Variants in TAFA1 observed in about 807,000 individuals in gnomAD.
TAFA1 encodes the protein TAFA chemokine like family member 1, also known as chemokine-like protein TAFA-1.
In TAFA1, 4 loss-of-function variants were observed where a neutral mutation model predicts 18.5. The ratio of observed to expected loss-of-function variants is 0.22; its 90% CI spans 0.11 to 0.49. The LOEUF (loss-of-function observed/expected upper bound fraction) is 0.49, where lower values mean the gene tolerates loss of function less well. TAFA1 is among the 20% of genes least tolerant of loss of function. The probability of loss-of-function intolerance (pLI) is 0.98; values close to 1 mark genes in which losing one functional copy is unlikely to be tolerated. For synonymous variants in TAFA1, 56 were observed against 55.2 expected (o/e 1.01, Z -0.06); for missense variants, 147 against 169.0 (o/e 0.87, Z 0.72).
chr3:68,133,429 T>C (rs756669407), intron 2 of TAFA1, among the ~76,000 whole-genome samples: 18 of 152,162 alleles, frequency 1.2e-4, no homozygotes, highest in Non-Finnish European at 2.5e-4. Context: ...TTGATGAGGA[T>C]AGCATTGAAT....
Position 68,531,636 on chromosome 3 carries a change from C to T in TAFA1, c.260-7120C>T, listed in dbSNP as rs558392762. On this transcript the variant is annotated intron_variant, in intron 3 of 4. Coordinates refer to ENST00000478136, the MANE Select transcript of TAFA1 (RefSeq NM_213609.4). ...CTCCATCATTTTGCTTCTTAGAGCACGTGCTTGAACCTACTCATCCAACTC... is the reference window on the plus strand; with the variant it reads ...CTCCATCATTTTGCTTCTTAGAGCATGTGCTTGAACCTACTCATCCAACTC... 6.6e-5 allele frequency among the ~76,000 whole-genome samples: 10 copies of T among 152,242 alleles called. No individual in the cohort carries two copies. In the South Asian group the frequency reaches 8.3e-4, roughly 13 times the overall value.
intron 2 of TAFA1, among the ~76,000 whole-genome samples, chr3:68,251,768 T>G (rs1013873048): frequency 6.6e-6 from 1 of 152,156 alleles, no homozygotes; most frequent in African/African-American, 2.4e-5. Context: ...TGGAGGAATA[T>G]GAGCTGATAG....
At chr3:68,100,730 C>T (rs886758553) in intron 2 of TAFA1, among the ~76,000 whole-genome samples, 4 of 152,052 alleles carry the variant, frequency 2.6e-5, no homozygotes, top group African/African-American at 9.7e-5. Context: ...ATTTTTTGAA[C>T]ATACCTTGTG....
At chr3:68,146,474 T>C (rs1362335692) in intron 2 of TAFA1, among the ~76,000 whole-genome samples, 1 of 152,184 alleles carries the variant, frequency 6.6e-6, no homozygotes, top group Non-Finnish European at 1.5e-5. Flanking sequence ...TCAGGAGATG[T>C]TCAACACCCA....
At chr3:68,239,169 A>C (rs956412729) in intron 2 of TAFA1, among the ~76,000 whole-genome samples, 1 of 152,254 alleles carries the variant, frequency 6.6e-6, no homozygotes, top group African/African-American at 2.4e-5. Context: ...ATAGTAAGGA[A>C]TCTTCTTAGT....
intron 2 of TAFA1, among the ~76,000 whole-genome samples, chr3:68,186,695 C>A (rs1310133662): frequency 1.3e-5 from 2 of 152,056 alleles, no homozygotes; most frequent in African/African-American, 2.4e-5. Context: ...AGGGACCCAA[C>A]CTGCCTGGGC....
chr3:68,208,561 T>A (rs2066554519), intron 2 of TAFA1, among the ~76,000 whole-genome samples: 1 of 151,994 alleles, frequency 6.6e-6, no homozygotes, highest in Non-Finnish European at 1.5e-5. Flanking sequence ...GGCTCTAACA[T>A]AGAGCCTTCT....
intron 2 of TAFA1, among the ~76,000 whole-genome samples, chr3:68,013,088 G>T (rs1460960754): frequency 2.6e-5 from 4 of 152,114 alleles, no homozygotes; most frequent in Non-Finnish European, 4.4e-5. Context: ...CATGGGCCAA[G>T]ATAATTCTGG....
chr3:68,066,516 A>C (rs975251272), intron 2 of TAFA1, among the ~76,000 whole-genome samples: 2 of 152,196 alleles, frequency 1.3e-5, no homozygotes, highest in African/African-American at 4.8e-5. Context: ...ATGGTGCAGG[A>C]ATGGTATATA....
intron 2 of TAFA1, among the ~76,000 whole-genome samples, chr3:68,188,534 G>GAC (rs1158255708): frequency 2.7e-5 from 4 of 149,242 alleles, no homozygotes; most frequent in Non-Finnish European, 4.5e-5. Context: ...GAGAGAGAGA[G>GAC]AGAGAGAGTA....
intron 2 of TAFA1, among the ~76,000 whole-genome samples, chr3:68,333,335 G>A (rs2068913618): frequency 6.6e-6 from 1 of 152,158 alleles, no homozygotes; most frequent in African/African-American, 2.4e-5. Context: ...ATCCTTTGCA[G>A]CAATGTGGAT....
chr3:68,142,415 A>C (rs1028541092), intron 2 of TAFA1, among the ~76,000 whole-genome samples: 2 of 152,180 alleles, frequency 1.3e-5, no homozygotes, highest in Non-Finnish European at 2.9e-5. Context: ...CCTTTCATCC[A>C]AACCCCCTGT....
intron 2 of TAFA1, among the ~76,000 whole-genome samples, chr3:68,059,882 A>G (rs1189775481): frequency 1.3e-5 from 2 of 152,206 alleles, no homozygotes; most frequent in African/African-American, 4.8e-5. Context: ...ACCTAAGCCT[A>G]AATTGCTGGG....
At chr3:68,231,518 G>A (rs1266588222) in intron 2 of TAFA1, among the ~76,000 whole-genome samples, 7 of 150,206 alleles carry the variant, frequency 4.7e-5, no homozygotes, top group African/African-American at 1.5e-4. Flanking sequence ...CCGCCACCGC[G>A]CCCGGCTAAT....
Position 68,116,266 on chromosome 3 carries a change from AACAAACAAAC to A in TAFA1, c.118+109524_118+109533del, listed in dbSNP as rs1489783698. Among the ~76,000 whole-genome samples the A allele has an allele frequency of 1.9e-3, 77 of 41,038 alleles. 1 individual carries two copies. The highest frequency in any genetic ancestry group is 9.6e-4 in the Non-Finnish European group (14 of 14,578). 26.9% of individuals were successfully genotyped at this position (41,038 alleles called of 152,430 possible). On this transcript the variant is annotated intron_variant, in intron 2 of 4. Coordinates refer to ENST00000478136, the MANE Select transcript of TAFA1 (RefSeq NM_213609.4). ...CAAGATGCCGTCGCAAAAACAAACA[AACAAACAAAC>A]AAACAAACAAAAAATGTAAATCTGA...
chr3:68,338,616 C>G (rs2069018272), intron 2 of TAFA1, among the ~76,000 whole-genome samples: 1 of 152,142 alleles, frequency 6.6e-6, no homozygotes, highest in Non-Finnish European at 1.5e-5. Flanking sequence ...GATGGCAAAG[C>G]AGGCTAGAGG....
intron 3 of TAFA1, among the ~76,000 whole-genome samples, chr3:68,517,143 T>C (rs2072935148): frequency 6.6e-6 from 1 of 152,194 alleles, no homozygotes; most frequent in Non-Finnish European, 1.5e-5. Context: ...TTTAGTATTA[T>C]CATGTCTTCA....
At chr3:68,320,119 A>G (rs2068675397) in intron 2 of TAFA1, among the ~76,000 whole-genome samples, 1 of 152,202 alleles carries the variant, frequency 6.6e-6, no homozygotes, top group African/African-American at 2.4e-5. Context: ...ACTACTTATC[A>G]AACCCCTTTT....
At chr3:68,342,841 C>CTGCT (rs1267311212) in intron 2 of TAFA1, among the ~76,000 whole-genome samples, 1 of 152,200 alleles carries the variant, frequency 6.6e-6, no homozygotes, top group East Asian at 1.9e-4. Context: ...ATATGAGCTG[C>CTGCT]TGCTACCTTG....
Sources: gnomAD v4.1 joint callset for allele counts (sites outside exome capture counted in the v4.1 genomes callset) on GRCh38, gnomAD v4.1.1 for gene constraint, MANE v1.5 for transcripts, NCBI Gene and HGNC (gene_info 2026-07-23, HGNC 2026-07-21) for gene names.